CRYGS: variants seen among roughly 807,000 people sequenced by gnomAD.
CRYGS encodes the protein crystallin gamma S.
Under a neutral mutation model 21.3 loss-of-function variants are expected in CRYGS, and 13 were observed. The ratio of observed to expected loss-of-function variants is 0.61; its 90% CI spans 0.40 to 0.97. The LOEUF is 0.97. CRYGS is among the 50% of genes least tolerant of loss of function. CRYGS has a pLI of 0.00. For synonymous variants in CRYGS, 67 were observed against 75.0 expected, an observed-to-expected ratio of 0.89 and a Z score of 0.55; for missense variants, 205 against 229.7, an observed-to-expected ratio of 0.89 and a Z score of 0.69.
At position 186,538,712 on chromosome 3, in the gene CRYGS, C is replaced by A; in HGVS notation, c.521G>T (p.Arg174Leu). The change falls in exon 3 of 3, where the codon CGC (arginine) becomes CTC (leucine). Residue 174 changes from arginine (R) to leucine (L), a missense_variant. By Grantham distance (102) the Arg-to-Leu change is moderately radical. Transcript: ENST00000307944. ...TTCATGTCATTACTCCACAATGCGG[C>A]GGAAAGACTGGACAGCTGGGGAGGC... Reference protein sequence around the residue: ...GAASPAVQSFRRIVE With the variant: ...GAASPAVQSFLRIVE 2 of 1,614,150 alleles carry A rather than the reference C, an allele frequency of 1.2e-6. No homozygotes were observed. The highest frequency in any genetic ancestry group is 1.7e-6 in the Non-Finnish European group (2 of 1,180,024).
In CRYGS at chr3:186,539,609, G is replaced by A. The variant is rs921900502; in HGVS notation, c.22-12C>T. The stretch of plus-strand genomic sequence containing the variant: ...TCATAGAAAGTAATCTGAAGTAGAG[G>A]GCCAACAGAGAAAGAGCTGAGGAGC... On this transcript the variant is annotated splice_polypyrimidine_tract_variant and intron_variant, in intron 1 of 2. Coordinates refer to ENST00000307944, the MANE Select transcript of CRYGS (RefSeq NM_017541.4). The A allele has an allele frequency of 6.2e-7, 1 of 1,613,842 alleles. No individual in the cohort carries two copies. Among genetic ancestry groups the A allele is most frequent in the African/African-American group, 1.3e-5 (1 of 74,892 alleles).
chr3:186,539,278 A>G (rs1298104932), intron 2 of CRYGS, 77 bp downstream of exon 2: 1 of 1,599,222 alleles, frequency 6.3e-7, no homozygotes, highest in Admixed American at 1.7e-5. Context: ...AAGACTCAAG[A>G]AAATGTTCAC....
At chr3:186,542,923 T>C (rs1714102480) in intron 1 of CRYGS, among the ~76,000 whole-genome samples, 1 of 152,060 alleles carries the variant, frequency 6.6e-6, no homozygotes, top group South Asian at 2.1e-4. Flanking sequence ...CTAATTTTTC[T>C]CCCCAAACCT....
intron 1 of CRYGS, among the ~76,000 whole-genome samples, chr3:186,541,930 G>A (rs1440749448): frequency 6.6e-6 from 1 of 152,184 alleles, no homozygotes; most frequent in East Asian, 1.9e-4. Context: ...CTTTAGGAAA[G>A]TCAAATAACT....
At chr3:186,543,426 C>T (rs1353607045) in intron 1 of CRYGS, among the ~76,000 whole-genome samples, 2 of 151,998 alleles carry the variant, frequency 1.3e-5, no homozygotes, top group Non-Finnish European at 2.9e-5. Flanking sequence ...CAGGGAAATG[C>T]CCTTGTTTTT....
At chr3:186,540,722 G>A (rs1252143566) in intron 1 of CRYGS, 1 of 976,524 alleles carries the variant, frequency 1.0e-6, no homozygotes, top group Non-Finnish European at 1.2e-6. Flanking sequence ...TGGATTTCAC[G>A]GGCGAAAACT....
In CRYGS at chr3:186,538,897, G is replaced by A. The variant is rs376653275; in HGVS notation, c.336C>T (p.Thr112=). 5.0e-5 allele frequency: 80 copies of A among 1,614,070 alleles called. No homozygotes were observed. The Middle Eastern group carries it at 6.6e-4, about 13-fold the overall frequency. Residue 112 remains threonine, a synonymous_variant, in exon 3 of 3, where the codon ACC becomes ACT. Transcript: ENST00000307944. Reference sequence around the variant, plus strand: ...GCTCCATGATGGAAGGGCAATCTTCGGTGGTTTCATACATCTGACCACTAA... The same window carrying A: ...GCTCCATGATGGAAGGGCAATCTTCAGTGGTTTCATACATCTGACCACTAA... The part of the protein sequence containing the change: ...GDFSGQMYET[T]EDCPSIMEQF...
intron 1 of CRYGS, among the ~76,000 whole-genome samples, chr3:186,542,343 T>C (rs1007982221): frequency 1.3e-5 from 2 of 152,234 alleles, no homozygotes; most frequent in Non-Finnish European, 2.9e-5. Context: ...TGTGCTCAAT[T>C]TCTTTTTGTA....
Position 186,538,952 on chromosome 3 carries a change from T to A in CRYGS, c.281A>T (p.Tyr94Phe). ...RAVHLPSGGQYKIQIFEKGDF... is the reference protein window; with the variant it reads ...RAVHLPSGGQFKIQIFEKGDF... ...CCCTTTCTCAAAGATCTGAATCTTATACTGGCCTCCACTAGGCTGAAAAGA... is the reference window on the plus strand; with the variant it reads ...CCCTTTCTCAAAGATCTGAATCTTAAACTGGCCTCCACTAGGCTGAAAAGA... The change falls in exon 3 of 3, where the codon TAT becomes TTT. Residue 94 changes from tyrosine (Y) to phenylalanine (F), a missense_variant. Tyr to Phe is a conservative substitution (Grantham distance 22). Transcript: ENST00000307944. The A allele has an allele frequency of 6.2e-7, 1 of 1,614,110 alleles. No individual in the cohort carries two copies. The highest frequency in any genetic ancestry group is 8.5e-7 in the Non-Finnish European group (1 of 1,179,996).
chr3:186,540,660 G>A (rs751696297), intron 1 of CRYGS: 16 of 494,378 alleles, frequency 3.2e-5, no homozygotes, highest in Admixed American at 1.9e-4. Flanking sequence ...GTCATGCTTC[G>A]AACCGTTAAT....
intron 1 of CRYGS, among the ~76,000 whole-genome samples, chr3:186,542,654 G>T (rs1467998563): frequency 6.6e-6 from 1 of 151,992 alleles, no homozygotes; most frequent in African/African-American, 2.4e-5. Flanking sequence ...GAAGCAATGA[G>T]AAAAAGTAAG....
rs1285582496 is a variant in CRYGS, at chr3:186,544,291, A to C, written c.21+15T>G. ...GTGAAAAGCGGGTAGGCTAAAAATC[A>C]ATATGACTACTTACCTTGGTTCCAG... On this transcript the variant is annotated intron_variant, in intron 1 of 2. Transcript: ENST00000307944. The C allele has an allele frequency of 6.3e-7, 1 of 1,592,700 alleles. No individual in the cohort carries two copies. The highest frequency in any genetic ancestry group is 1.7e-5 in the Admixed American group (1 of 59,984).
At chr3:186,541,215 T>A (rs1340571095) in intron 1 of CRYGS, among the ~76,000 whole-genome samples, 1 of 152,204 alleles carries the variant, frequency 6.6e-6, no homozygotes, top group Non-Finnish European at 1.5e-5. Context: ...TTCTCCTCTA[T>A]CCTGGGTAGT....
Position 186,544,344 on chromosome 3 carries a change from GT to G in CRYGS, c.-19del. ...TTAGACATTTTTGGTGCATAGACTG[GT>G]TTTCCCAGTGCTGAAAGAAATTCAG... is the stretch of plus-strand genomic sequence containing the variant. On this transcript the variant is annotated 5_prime_UTR_variant, in exon 1 of 3. Coordinates refer to ENST00000307944, the MANE Select transcript of CRYGS (RefSeq NM_017541.4). 1 of 1,585,794 alleles carries G rather than the reference GT, an allele frequency of 6.3e-7. No individual in the cohort carries two copies. The highest frequency in any genetic ancestry group is 8.7e-7 in the Non-Finnish European group (1 of 1,154,252).
chr3:186,540,756 G>T (rs527566610), intron 1 of CRYGS: 54 of 971,286 alleles, frequency 5.6e-5, no homozygotes, highest in Non-Finnish European at 6.5e-5. Context: ...CAGATGAAAG[G>T]AGCAGAGCCG....
At chr3:186,540,194 T>C (rs1171659094) in intron 1 of CRYGS, 1 of 153,308 alleles carries the variant, frequency 6.5e-6, no homozygotes, top group African/African-American at 2.4e-5. Context: ...AACAGAGTAG[T>C]TGCAAAGTAA....
intron 1 of CRYGS, among the ~76,000 whole-genome samples, chr3:186,543,849 TG>T (rs1299785069): frequency 1.3e-5 from 2 of 152,194 alleles, no homozygotes; most frequent in African/African-American, 4.8e-5. Flanking sequence ...ATTGCTTGAA[TG>T]GAAGAGAGAT....
intron 1 of CRYGS, among the ~76,000 whole-genome samples, chr3:186,541,766 C>T (rs1285560613): frequency 1.3e-5 from 2 of 152,188 alleles, no homozygotes; most frequent in African/African-American, 4.8e-5. Context: ...GTGCAAAACT[C>T]CTGGTGAGTA....
In CRYGS at chr3:186,539,359, TG is replaced by T. The variant is rs768279275; in HGVS notation, c.259del (p.His87IlefsTer114). 4 of 1,612,176 alleles carry T rather than the reference TG, an allele frequency of 2.5e-6. 1 individual carries two copies. The African/African-American group carries it at 5.3e-5, about 22-fold the overall frequency. ...NDRLSSCRAV[H>X]LPSGGQYKIQ... is the part of the protein sequence containing the mutation. ...GTACACAGTCCCCAGACTCACCAGATGAACAGCTCTGCAGGAGCTGAGGCGG... is the reference window on the plus strand; with the variant it reads ...GTACACAGTCCCCAGACTCACCAGATAACAGCTCTGCAGGAGCTGAGGCGG... On this transcript the variant is annotated frameshift_variant, in exon 2 of 3. Coordinates refer to ENST00000307944, the MANE Select transcript of CRYGS (RefSeq NM_017541.4). LOFTEE classifies it high-confidence loss of function.
Sources: allele counts gnomAD v4.1 joint callset (sites outside exome capture counted in the v4.1 genomes callset), GRCh38; gene constraint gnomAD v4.1.1; transcripts MANE v1.5; gene names NCBI Gene and HGNC (gene_info 2026-07-23, HGNC 2026-07-21).